Variants in ITPK1 observed in about 807,000 individuals in gnomAD.
ITPK1 encodes the protein inositol-tetrakisphosphate 1-kinase, also known as inositol 1,3,4-trisphosphate 5/6-kinase.
ITPK1 carries 21 observed loss-of-function variants against 45.3 expected under a neutral mutation model. That is an observed-to-expected ratio of 0.46 (90% CI 0.33 to 0.67). The LOEUF is 0.67. ITPK1 is among the 30% of genes least tolerant of loss of function. ITPK1 has a pLI of 0.02. For missense variants in ITPK1, 474 were observed against 573.5 expected (o/e 0.83, Z 1.77); for synonymous variants, 258 against 253.6 (o/e 1.02, Z -0.16).
At chr14:93,102,099 C>T (rs928858396) in intron 2 of ITPK1, among the ~76,000 whole-genome samples, 1 of 152,270 alleles carries the variant, frequency 6.6e-6, no homozygotes, top group African/African-American at 2.4e-5. Context: ...ACCCTCCACA[C>T]TACAGGCACC....
At chr14:93,106,079 A>G (rs1892512010) in intron 2 of ITPK1, among the ~76,000 whole-genome samples, 1 of 152,168 alleles carries the variant, frequency 6.6e-6, no homozygotes, top group African/African-American at 2.4e-5. Flanking sequence ...CAAAGAGCAC[A>G]CAGGTCAGGC....
chr14:92,946,588 T>C (rs1595075408), intron 9 of ITPK1, 95 bp from the exon 10 acceptor site: 2 of 1,264,332 alleles, frequency 1.6e-6, no homozygotes, highest in South Asian at 1.3e-5. Flanking sequence ...CACGAGGCCC[T>C]GGCATGCTTC....
chr14:92,946,638 G>A (rs997521254), intron 9 of ITPK1, 145 bp from the exon 10 acceptor site: 106 of 785,382 alleles, frequency 1.3e-4, no homozygotes, highest in Middle Eastern at 1.3e-3. Flanking sequence ...GTGAGCACGG[G>A]GCGGCCACTG....
intron 5 of ITPK1, among the ~76,000 whole-genome samples, chr14:92,981,685 T>C (rs1017805172): frequency 3.3e-5 from 5 of 152,230 alleles, no homozygotes; most frequent in Non-Finnish European, 7.3e-5. Flanking sequence ...TGACCTGTCA[T>C]GGTCCCCAAA....
Position 93,016,636 on chromosome 14 carries a change from T to C in ITPK1, c.246+40A>G. On this transcript the variant is annotated intron_variant, in intron 4 of 10. Coordinates refer to ENST00000267615, the MANE Select transcript of ITPK1 (RefSeq NM_014216.6). This position sits in a 1 kb window ranked among gnomAD's most constrained non-coding sequence, Gnocchi z 5.0. The stretch of plus-strand genomic sequence containing the variant: ...ATTCCAGGGCCTCCCCTCCTCCTCC[T>C]GAAAATGCCACAGCCAAGGGCTGCA... 2.5e-6 allele frequency: 4 copies of C among 1,604,516 alleles called. No individual in the cohort carries two copies. Among genetic ancestry groups the C allele is most frequent in the Non-Finnish European group, 3.4e-6 (4 of 1,172,710 alleles).
At chr14:93,031,641 C>G (rs769589648) in intron 3 of ITPK1, among the ~76,000 whole-genome samples, 94 of 152,238 alleles carry the variant, frequency 6.2e-4, no homozygotes, top group Middle Eastern at 3.4e-3. Context: ...CATAGACCCC[C>G]CTAAGGCCTC....
chr14:93,043,778 T>C (rs58154973), intron 3 of ITPK1, among the ~76,000 whole-genome samples: 18,580 of 152,138 alleles, frequency 0.12, 3,320 homozygotes, highest in African/African-American at 0.39. Context: ...TTCCCCTCAT[T>C]GGTGGCAGGC....
At chr14:93,031,169 G>A (rs1260816719) in intron 3 of ITPK1, among the ~76,000 whole-genome samples, 1 of 152,150 alleles carries the variant, frequency 6.6e-6, no homozygotes, top group African/African-American at 2.4e-5. Flanking sequence ...AGGAAGGCCT[G>A]GGCAAGAAGA....
intron 4 of ITPK1, among the ~76,000 whole-genome samples, chr14:92,996,582 A>G (rs1227670651): frequency 6.6e-6 from 1 of 152,180 alleles, no homozygotes; most frequent in Non-Finnish European, 1.5e-5. Context: ...AAATTTAAAA[A>G]AAAAAAAAGG....
intron 5 of ITPK1, among the ~76,000 whole-genome samples, chr14:92,987,267 G>A (rs1390230815): frequency 6.6e-6 from 1 of 152,216 alleles, no homozygotes; most frequent in African/African-American, 2.4e-5. Context: ...GAGTAGGCCT[G>A]TGGGCCTGAT....
chr14:92,978,193 C>G (rs962984655), intron 5 of ITPK1, among the ~76,000 whole-genome samples: 1 of 151,948 alleles, frequency 6.6e-6, no homozygotes. Context: ...ATCTGTGGAA[C>G]TTTGAACTTG....
At chr14:92,977,314 G>A (rs1381836681) in intron 5 of ITPK1, among the ~76,000 whole-genome samples, 1 of 152,206 alleles carries the variant, frequency 6.6e-6, no homozygotes, top group Non-Finnish European at 1.5e-5. Flanking sequence ...TGGCCCTGGG[G>A]GAGGCAGGGG....
intron 5 of ITPK1, among the ~76,000 whole-genome samples, chr14:92,972,476 A>C (rs4905017): frequency 0.26 from 39,085 of 152,034 alleles, 5,706 homozygotes; most frequent in African/African-American, 0.39. Context: ...TGCCAACACT[A>C]AGATCTGAGA....
chr14:93,077,081 G>A (rs570596280), intron 2 of ITPK1, among the ~76,000 whole-genome samples: 25 of 152,190 alleles, frequency 1.6e-4, no homozygotes, highest in Non-Finnish European at 3.1e-4. Flanking sequence ...GCCACACACG[G>A]GAGGCCCACA....
intron 5 of ITPK1, among the ~76,000 whole-genome samples, chr14:92,983,132 G>C (rs750941141): frequency 5.3e-5 from 8 of 152,180 alleles, no homozygotes; most frequent in Non-Finnish European, 8.8e-5. Flanking sequence ...AGGAGAAGAG[G>C]AGCCAGACAC....
chr14:93,091,580 G>A (rs1891868516), intron 2 of ITPK1, among the ~76,000 whole-genome samples: 1 of 152,044 alleles, frequency 6.6e-6, no homozygotes, highest in African/African-American at 2.4e-5. Flanking sequence ...CCGAGTGCTG[G>A]GCTCTACACC....
chr14:92,972,347 A>T lies in ITPK1; in HGVS notation c.365-9498T>A, dbSNP rs547104766. ...GTAGAGTGGGTCCTAATCCAATAGGACTGGTGTCCTTATAAGGAGATTAGG... is the reference window on the plus strand; with the variant it reads ...GTAGAGTGGGTCCTAATCCAATAGGTCTGGTGTCCTTATAAGGAGATTAGG... On this transcript the variant is annotated intron_variant, in intron 5 of 10. Coordinates refer to ENST00000267615, the MANE Select transcript of ITPK1 (RefSeq NM_014216.6). Among the ~76,000 whole-genome samples, 16 of 152,242 alleles carry T rather than the reference A, an allele frequency of 1.1e-4. No individual in the cohort carries two copies. The South Asian group carries it at 3.3e-3, about 32-fold the overall frequency.
intron 2 of ITPK1, among the ~76,000 whole-genome samples, chr14:93,088,341 G>GTTTTTTTTT (rs1179019290): frequency 2.3e-5 from 3 of 132,722 alleles, no homozygotes; most frequent in African/African-American, 8.5e-5. Context: ...GTTTTGTTTT[G>GTTTTTTTTT]TTTTTTTTTT....
chr14:93,018,777 C>T (rs1888321180), intron 3 of ITPK1, among the ~76,000 whole-genome samples: 1 of 152,178 alleles, frequency 6.6e-6, no homozygotes, highest in African/African-American at 2.4e-5. Context: ...AAGACGCTCC[C>T]TGCTGCAAAG....
Sources: gnomAD v4.1 joint callset for allele counts (sites outside exome capture counted in the v4.1 genomes callset) on GRCh38, gnomAD v4.1.1 for gene constraint, Gnocchi (gnomAD v3.1) non-coding constraint, MANE v1.5 for transcripts, NCBI Gene and HGNC (gene_info 2026-07-23, HGNC 2026-07-21) for gene names.